Variants in CCDC3 observed in about 807,000 individuals in gnomAD.
CCDC3 encodes the protein coiled-coil domain-containing protein 3.
A neutral mutation model predicts 21.4 loss-of-function variants in CCDC3; 24 were observed. That is an observed-to-expected ratio of 1.12 (90% CI 0.81 to 1.58). The LOEUF (loss-of-function observed/expected upper bound fraction) is 1.58, where lower values mean the gene tolerates loss of function less well. CCDC3 is among the 40% of genes most tolerant of loss of function. The pLI is 0.00. For synonymous variants in CCDC3, 186 were observed against 166.0 expected (o/e 1.12, Z -0.93); for missense variants, 425 against 360.9 (o/e 1.18, Z -1.44).
chr10:12,948,520 A>AC (rs1834956694), intron 2 of CCDC3, among the ~76,000 whole-genome samples: 1 of 151,526 alleles, frequency 6.6e-6, no homozygotes, highest in Non-Finnish European at 1.5e-5. Context: ...CAGCTCCAGA[A>AC]CCCCGTGTGT....
chr10:13,011,333 G>A (rs1451729080), intron 5 of CCDC3, among the ~76,000 whole-genome samples: 3 of 152,108 alleles, frequency 2.0e-5, no homozygotes, highest in African/African-American at 7.2e-5. Flanking sequence ...AGCAACTTCA[G>A]CAAAGTTTTA....
intron 4 of CCDC3, among the ~76,000 whole-genome samples, chr10:13,050,456 C>CTTTT (rs35126304): frequency 2.0e-5 from 2 of 98,596 alleles, no homozygotes; most frequent in Non-Finnish European, 3.9e-5. Flanking sequence ...ATTATTTATT[C>CTTTT]TTTTTTTTTT....
chr10:12,987,313 C>T (rs1038804742), intron 2 of CCDC3, among the ~76,000 whole-genome samples: 5 of 152,142 alleles, frequency 3.3e-5, no homozygotes, highest in Admixed American at 6.5e-5. Flanking sequence ...GTGCTAAGCA[C>T]GTAGGAAGGA....
chr10:13,007,585 T>A (rs1589038507), intron 5 of CCDC3, among the ~76,000 whole-genome samples: 1 of 152,168 alleles, frequency 6.6e-6, no homozygotes, highest in African/African-American at 2.4e-5. Flanking sequence ...GCTGAGCTTT[T>A]ACCTTGGTTA....
intron 2 of CCDC3, among the ~76,000 whole-genome samples, chr10:12,985,182 G>A (rs1486895881): frequency 6.6e-5 from 10 of 152,026 alleles, no homozygotes; most frequent in Non-Finnish European, 2.9e-5. Flanking sequence ...CATATAAATC[G>A]TATCTTAACT....
chr10:13,046,031 C>T (rs1836521612), intron 5 of CCDC3, among the ~76,000 whole-genome samples: 1 of 152,046 alleles, frequency 6.6e-6, no homozygotes, highest in Non-Finnish European at 1.5e-5. Flanking sequence ...GCAGAGGTTG[C>T]AGTAAGCTGA....
chr10:13,016,029 C>T (rs1275533705), intron 5 of CCDC3, among the ~76,000 whole-genome samples: 6 of 151,930 alleles, frequency 3.9e-5, no homozygotes, highest in Admixed American at 2.0e-4. Flanking sequence ...TTACACACTG[C>T]ATGCCTATAT....
At chr10:13,080,036 A>AG (rs1200548939) in intron 3 of CCDC3, among the ~76,000 whole-genome samples, 1 of 152,218 alleles carries the variant, frequency 6.6e-6, no homozygotes, top group Non-Finnish European at 1.5e-5. Flanking sequence ...AGGGAAGACA[A>AG]GGGGGCCCTC....
chr10:12,935,041 G>A (rs926229302), intron 2 of CCDC3, among the ~76,000 whole-genome samples: 1 of 151,934 alleles, frequency 6.6e-6, no homozygotes, highest in Middle Eastern at 3.4e-3. Flanking sequence ...TGGGACTACG[G>A]ATGTGCACTA....
intron 3 of CCDC3, among the ~76,000 whole-genome samples, chr10:13,091,393 A>G: frequency 6.6e-6 from 1 of 152,222 alleles, no homozygotes; most frequent in East Asian, 1.9e-4. Context: ...AGCTGCATCA[A>G]CCCTTCCACC....
chr10:12,961,804 T>C (rs1052274880), intron 2 of CCDC3, among the ~76,000 whole-genome samples: 1 of 152,182 alleles, frequency 6.6e-6, no homozygotes, highest in Non-Finnish European at 1.5e-5. Context: ...TTCATGCTGC[T>C]CAACCCCTCA....
rs554315710 is a variant in CCDC3, at chr10:13,085,788, G to A, written c.-502-11688C>T. ...TTGAGACAAGCCTGGCCAACATGGC[G>A]AAACCCCATCTCTATTAAAAACATA... On this transcript the variant is annotated intron_variant, in intron 3 of 6. Coordinates refer to the CCDC3 transcript ENST00000378839. 3.8e-3 allele frequency among the ~76,000 whole-genome samples: 573 copies of A among 152,212 alleles called. 5 individuals carry two copies. The highest frequency in any genetic ancestry group is 0.013 in the African/African-American group (544 of 41,544).
intron 5 of CCDC3, among the ~76,000 whole-genome samples, chr10:13,031,350 G>A (rs1450201420): frequency 1.3e-5 from 2 of 152,160 alleles, no homozygotes; most frequent in Non-Finnish European, 1.5e-5. Flanking sequence ...AAAGCAGTGT[G>A]TAGAGGGAAA....
rs754383912 is a variant in CCDC3, at chr10:12,998,371, G to T, written c.516C>A (p.Phe172Leu). ...CTTCCTGGATTTCCCAGTCACTGGA[G>T]AAAGTCGCCAGCTGCTGCCCTTGCG... Reference protein sequence around the residue: ...NCSQGQQLATFSSDWEIQEDS... With the variant: ...NCSQGQQLATLSSDWEIQEDS... Residue 172 changes from phenylalanine (F) to leucine (L), a missense_variant, in exon 2 of 3, where the codon TTC becomes TTA. Phe to Leu is a conservative substitution (Grantham distance 22). Coordinates refer to ENST00000378825, the MANE Select transcript of CCDC3 (RefSeq NM_031455.4). The T allele has an allele frequency of 4.3e-6, 7 of 1,614,158 alleles. No homozygotes were observed. The South Asian group carries it at 5.5e-5, about 13-fold the overall frequency.
chr10:12,974,813 C>T (rs1250682850), intron 2 of CCDC3, among the ~76,000 whole-genome samples: 2 of 152,206 alleles, frequency 1.3e-5, no homozygotes, highest in East Asian at 1.9e-4. Context: ...AGATTTGGAT[C>T]GCCTTTGGAT....
chr10:12,975,014 G>C (rs988860723), intron 2 of CCDC3, among the ~76,000 whole-genome samples: 6 of 152,162 alleles, frequency 3.9e-5, no homozygotes, highest in African/African-American at 1.4e-4. Flanking sequence ...TAAAGACTCA[G>C]AAACACTGAG....
chr10:12,950,279 A>G (rs1050370484), intron 2 of CCDC3, among the ~76,000 whole-genome samples: 2 of 152,212 alleles, frequency 1.3e-5, no homozygotes, highest in African/African-American at 4.8e-5. Context: ...ATAACTACAC[A>G]TGACAAATAA....
intron 5 of CCDC3, among the ~76,000 whole-genome samples, chr10:13,032,700 GACAA>G (rs1564327061): frequency 2.0e-5 from 3 of 152,218 alleles, no homozygotes; most frequent in Middle Eastern, 3.4e-3. Context: ...ACCAATAACA[GACAA>G]ACAGAGAGCC....
At chr10:12,978,023 T>C (rs1285002009) in intron 2 of CCDC3, among the ~76,000 whole-genome samples, 1 of 151,904 alleles carries the variant, frequency 6.6e-6, no homozygotes, top group African/African-American at 2.4e-5. Flanking sequence ...CACACTCTTT[T>C]TTTTTTTTTT....
Sources: allele counts gnomAD v4.1 joint callset (sites outside exome capture counted in the v4.1 genomes callset), GRCh38; gene constraint gnomAD v4.1.1; transcripts MANE v1.5; gene names NCBI Gene and HGNC (gene_info 2026-07-23, HGNC 2026-07-21).